IQCK: variants seen among roughly 807,000 people sequenced by gnomAD.
IQCK encodes IQ motif containing K.
Under a neutral mutation model 28.1 loss-of-function variants are expected in IQCK, and 29 were observed. The observed-to-expected ratio is 1.03, with a 90% confidence interval of 0.77 to 1.41. IQCK has a LOEUF of 1.41. IQCK is among the 40% of genes most tolerant of loss of function. IQCK has a pLI of 0.00. For synonymous variants in IQCK, 113 were observed against 115.1 expected (o/e 0.98, Z 0.12); for missense variants, 359 against 314.7 (o/e 1.14, Z -1.07).
intron 4 of IQCK, among the ~76,000 whole-genome samples, chr16:19,741,510 G>T (rs925648364): frequency 6.6e-6 from 1 of 152,172 alleles, no homozygotes. Flanking sequence ...AATTATATTA[G>T]AGATTAATGA....
At chr16:19,734,780 CAAAAAAA>C (rs1358666397) in intron 3 of IQCK, among the ~76,000 whole-genome samples, 1 of 64,832 alleles carries the variant, frequency 1.5e-5, no homozygotes, top group Admixed American at 1.9e-4. Flanking sequence ...GACTCTGTCT[CAAAAAAA>C]AAAAAAAAAA....
chr16:19,769,250 A>C (rs1348302302), intron 6 of IQCK, among the ~76,000 whole-genome samples: 1 of 152,220 alleles, frequency 6.6e-6, no homozygotes, highest in Admixed American at 6.5e-5. Context: ...ACCAAGTGCC[A>C]CATTCGAGGT....
At chr16:19,828,896 A>T (rs1597595650), downstream of IQCK, among the ~76,000 whole-genome samples, 1 of 131,328 alleles carries the variant, frequency 7.6e-6, no homozygotes, top group South Asian at 2.1e-4. Flanking sequence ...AATATATATT[A>T]TATATATTTT....
intron 9 of IQCK, among the ~76,000 whole-genome samples, chr16:19,841,522 G>T (rs980530389): frequency 1.1e-4 from 17 of 152,088 alleles, no homozygotes; most frequent in Non-Finnish European, 2.2e-4. Context: ...CTTGAGCAAG[G>T]CACTTAACCT....
rs142521889 is a variant in IQCK, at chr16:19,812,024, G to C, written c.691-15002G>C. On this transcript the variant is annotated intron_variant, in intron 7 of 7. Coordinates refer to ENST00000564186, the Ensembl canonical transcript of IQCK. ...TTTTTTTGAGACAGAGTCTCACTCT[G>C]TTGCCCAGACTAGAGTACAGTGGTG... 3.7e-4 allele frequency among the ~76,000 whole-genome samples: 50 copies of C among 133,942 alleles called. 1 individual carries two copies. In the East Asian group the frequency reaches 4.5e-3, roughly 12 times the overall value. 87.9% of individuals were successfully genotyped at this position (133,942 alleles called of 152,430 possible).
chr16:19,848,970 A>C (rs1001921323), intron 9 of IQCK, among the ~76,000 whole-genome samples: 2 of 152,070 alleles, frequency 1.3e-5, no homozygotes, highest in Non-Finnish European at 2.9e-5. Context: ...ATCTCTTGTC[A>C]CTGTCACCCC....
chr16:19,825,049 TTCCTGTGTC>T lies in IQCK; in HGVS notation c.691-1972_691-1964del, dbSNP rs2056128571. Among the ~76,000 whole-genome samples, 1 of 152,182 alleles carries T rather than the reference TTCCTGTGTC, an allele frequency of 6.6e-6. No individual in the cohort carries two copies. Among genetic ancestry groups the T allele is most frequent in the South Asian group, 2.1e-4 (1 of 4,826 alleles). ...GTCTTACCATACCTTATTGATCTTA[TTCCTGTGTC>T]TCCTCCTACACTTTAAGTTTCTCAA... On this transcript the variant is annotated intron_variant, in intron 7 of 7. Coordinates refer to ENST00000564186, the Ensembl canonical transcript of IQCK. The surrounding 1 kb of genome is among the most constrained non-coding windows in gnomAD (Gnocchi z 4.2).
intron 7 of IQCK, among the ~76,000 whole-genome samples, chr16:19,817,004 C>G (rs2055997440): frequency 6.6e-6 from 1 of 152,142 alleles, no homozygotes; most frequent in Non-Finnish European, 1.5e-5. Flanking sequence ...GAGATTCAGC[C>G]TCAGGCTATC....
At chr16:19,792,612 C>A (rs2055631012) in intron 7 of IQCK, among the ~76,000 whole-genome samples, 1 of 90,436 alleles carries the variant, frequency 1.1e-5, no homozygotes, top group Non-Finnish European at 1.8e-5. Flanking sequence ...GCTCTTGTTG[C>A]CCATGCTGGA....
At chr16:19,755,883 G>A (rs1032575453) in intron 4 of IQCK, among the ~76,000 whole-genome samples, 1 of 152,192 alleles carries the variant, frequency 6.6e-6, no homozygotes, top group Non-Finnish European at 1.5e-5. Flanking sequence ...CCAAACACAT[G>A]CTGAAAGAGT....
intron 4 of IQCK, among the ~76,000 whole-genome samples, chr16:19,758,329 C>T (rs753055097): frequency 6.6e-6 from 1 of 152,220 alleles, no homozygotes; most frequent in Non-Finnish European, 1.5e-5. Flanking sequence ...AGCACGTCCA[C>T]GCTTGCCCAG....
downstream of IQCK, among the ~76,000 whole-genome samples, chr16:19,830,498 G>C (rs547292178): frequency 4.6e-5 from 7 of 152,282 alleles, no homozygotes; most frequent in South Asian, 1.2e-3. Flanking sequence ...AGTGAGCCGT[G>C]CTTTCCAAAC....
chr16:19,771,849 A>G (rs1245747980), intron 6 of IQCK, among the ~76,000 whole-genome samples: 1 of 152,178 alleles, frequency 6.6e-6, no homozygotes, highest in Non-Finnish European at 1.5e-5. Context: ...GTGTGAAGGC[A>G]TCTGCTGAGA....
chr16:19,855,327 C>T (rs1220792178), intron 9 of IQCK, among the ~76,000 whole-genome samples: 3 of 152,216 alleles, frequency 2.0e-5, no homozygotes, highest in African/African-American at 2.4e-5. Flanking sequence ...CGCAGTGGCT[C>T]ACACCTGTAA....
intron 6 of IQCK, among the ~76,000 whole-genome samples, chr16:19,765,448 G>T (rs2055219749): frequency 6.6e-6 from 1 of 151,946 alleles, no homozygotes; most frequent in Non-Finnish European, 1.5e-5. Context: ...TGAGGCAGGA[G>T]TATCGCTTGA....
At position 19,740,034 on chromosome 16, in the gene IQCK, C is replaced by A. The variant is rs115324080; in HGVS notation, c.474+4584C>A. On this transcript the variant is annotated intron_variant, in intron 4 of 7. Coordinates refer to ENST00000564186, the Ensembl canonical transcript of IQCK. ...AGACAGCACACATCTCCAACCAAGG[C>A]CCAGATGATCCTGAAGCCTGGGTTT... is the stretch of plus-strand genomic sequence containing the variant. Among the ~76,000 whole-genome samples the A allele has an allele frequency of 5.6e-3, 859 of 152,296 alleles. 11 individuals are homozygous for A. Among genetic ancestry groups the A allele is most frequent in the African/African-American group, 0.019 (796 of 41,572 alleles).
intron 7 of IQCK, among the ~76,000 whole-genome samples, chr16:19,815,839 TTAATA>T (rs1325578105): frequency 6.6e-6 from 1 of 152,242 alleles, no homozygotes; most frequent in African/African-American, 2.4e-5. Context: ...GAATATTTTA[TTAATA>T]TAAGATCATT....
intron 7 of IQCK, among the ~76,000 whole-genome samples, chr16:19,813,987 G>A (rs1346220427): frequency 6.6e-6 from 1 of 152,070 alleles, no homozygotes; most frequent in Non-Finnish European, 1.5e-5. Flanking sequence ...GGGAGGCCAG[G>A]GTGGCGGATC....
intron 4 of IQCK, among the ~76,000 whole-genome samples, chr16:19,751,635 C>G (rs1413657550): frequency 2.6e-5 from 4 of 151,952 alleles, no homozygotes; most frequent in Non-Finnish European, 4.4e-5. Context: ...CGAGATGGAT[C>G]AGGACAGGTG....
Sources: gnomAD v4.1 joint callset for allele counts (sites outside exome capture counted in the v4.1 genomes callset) on GRCh38, gnomAD v4.1.1 for gene constraint, Gnocchi (gnomAD v3.1) non-coding constraint, MANE v1.5 for transcripts, NCBI Gene and HGNC (gene_info 2026-07-23, HGNC 2026-07-21) for gene names.